The following SMARCD3 variants were observed in gnomAD, a reference collection of about 807,000 sequenced individuals.
SMARCD3 encodes SWI/SNF related BAF chromatin remodeling complex subunit D3.
SMARCD3 carries 14 observed loss-of-function variants against 58.0 expected under a neutral mutation model. The ratio of observed to expected loss-of-function variants is 0.24; its 90% CI spans 0.16 to 0.38. The LOEUF is 0.38. Ranked by LOEUF, SMARCD3 falls within the 10% of genes least tolerant of loss-of-function variation. The pLI is 1.00. For missense variants in SMARCD3, 408 were observed against 636.9 expected (o/e 0.64, Z 3.87); for synonymous variants, 253 against 253.8 (o/e 1.00, Z 0.03).
Position 151,242,924 on chromosome 7 carries a change from T to C in SMARCD3, c.334-81A>G. ...GGAATGTATGCATGTTGTGCAATCC[T>C]AGGGTACAAAAGATGTCAGGGGAGC... On this transcript the variant is annotated intron_variant, in intron 3 of 12. Coordinates refer to ENST00000262188, the MANE Select transcript of SMARCD3 (RefSeq NM_001003801.2). The surrounding 1 kb of genome is among the most constrained non-coding windows in gnomAD (Gnocchi z 4.7). The C allele has an allele frequency of 6.5e-7, 1 of 1,543,408 alleles. No individual in the cohort carries two copies. The highest frequency in any genetic ancestry group is 8.8e-7 in the Non-Finnish European group (1 of 1,138,240).
At position 151,239,407 on chromosome 7, in the gene SMARCD3, A is replaced by C; in HGVS notation, c.1387T>G (p.Phe463Val). Residue 463 changes from phenylalanine to valine, a missense_variant, in exon 12 of 13, where the codon TTC becomes GTC. By Grantham distance (50) the Phe-to-Val change is conservative. Coordinates refer to ENST00000262188, the MANE Select transcript of SMARCD3 (RefSeq NM_001003801.2). This position sits in a 1 kb window ranked among gnomAD's most constrained non-coding sequence, Gnocchi z 7.0. ...GGGTCCCTGCATACCTTGCAGTAGA[A>C]GTAGCGACTGACGGCCTCCTGGGAC... ...PWSQEAVSRY[F>V]YCKIQQRRQE... 6.2e-7 allele frequency: 1 copy of C among 1,613,096 alleles called. No individual in the cohort carries two copies. Among genetic ancestry groups the C allele is most frequent in the Middle Eastern group, 1.7e-4 (1 of 6,060 alleles).
intron 9 of SMARCD3, 34 bp downstream of exon 9, chr7:151,240,391 C>A: frequency 1.3e-6 from 2 of 1,595,268 alleles, no homozygotes; most frequent in South Asian, 1.1e-5. Flanking sequence ...CGAGATCATT[C>A]CCTGGTCTGA....
At chr7:151,255,073 G>A (rs919578387) in intron 2 of SMARCD3, among the ~76,000 whole-genome samples, 20 of 152,044 alleles carry the variant, frequency 1.3e-4, no homozygotes, top group African/African-American at 4.8e-4. Context: ...GGGGCCAGGG[G>A]AGCCCTCGAC....
rs1488485393 is a variant in SMARCD3, at chr7:151,243,527, C to T, written c.333+132G>A. 1.5e-6 allele frequency: 1 copy of T among 678,652 alleles called. No homozygotes were observed. The highest frequency in any genetic ancestry group is 2.7e-6 in the Non-Finnish European group (1 of 374,610). The allele number at this position is 678,652 out of a possible 1,614,324, so 42.0% of individuals were successfully genotyped here. On this transcript the variant is annotated intron_variant, in intron 3 of 12. Transcript: ENST00000262188. The surrounding 1 kb of genome is among the most constrained non-coding windows in gnomAD (Gnocchi z 4.4). ...CCTCCCTCTGGCCTGCGGAGCCTCA[C>T]TTATTAATGAGCTTTTTTAAACAAA... is the stretch of plus-strand genomic sequence containing the variant.
At chr7:151,252,264 A>G (rs938007032), upstream of SMARCD3, among the ~76,000 whole-genome samples, 2 of 152,124 alleles carry the variant, frequency 1.3e-5, no homozygotes, top group African/African-American at 4.8e-5. Context: ...GCGAGGGGAT[A>G]GGGAGGAAGG....
At position 151,241,838 on chromosome 7, in the gene SMARCD3, C is replaced by T; in HGVS notation, c.777+39G>A. 1 of 1,554,362 alleles carries T rather than the reference C, an allele frequency of 6.4e-7. No individual in the cohort carries two copies. The highest frequency in any genetic ancestry group is 8.8e-7 in the Non-Finnish European group (1 of 1,134,948). On this transcript the variant is annotated intron_variant, in intron 7 of 12. Transcript: ENST00000262188. The surrounding 1 kb of genome is among the most constrained non-coding windows in gnomAD (Gnocchi z 5.3). Reference sequence around the variant, plus strand: ...TGGGACCTAGCCCTGCCCTGAGGGCCTTGTGTGGCGTGTACGGGGCAGCAT... The same window carrying T: ...TGGGACCTAGCCCTGCCCTGAGGGCTTTGTGTGGCGTGTACGGGGCAGCAT...
chr7:151,248,701 G>A, upstream of SMARCD3: 1 of 1,379,058 alleles, frequency 7.3e-7, no homozygotes, highest in South Asian at 1.7e-5. This position sits in a 1 kb window ranked among gnomAD's most constrained non-coding sequence, Gnocchi z 6.1. Flanking sequence ...GAGTGGGGAG[G>A]GGGCCCCTTC....
At position 151,240,662 on chromosome 7, in the gene SMARCD3, G is replaced by A. The variant is rs181418675; in HGVS notation, c.940-140C>T. On this transcript the variant is annotated intron_variant, in intron 8 of 12. Coordinates refer to ENST00000262188, the MANE Select transcript of SMARCD3 (RefSeq NM_001003801.2). ...TCAGTGCGCATGGGGATGGGATTGG[G>A]GTGGGCTGGTCTGGTGGTGGAGCCA... 1.5e-4 allele frequency: 99 copies of A among 662,822 alleles called. No homozygotes were observed. The Middle Eastern group carries it at 1.9e-3, about 12-fold the overall frequency. 41.1% of individuals were successfully genotyped at this position (662,822 alleles called of 1,614,324 possible).
chr7:151,269,666 C>A (rs932789733), intron 2 of SMARCD3, among the ~76,000 whole-genome samples: 21 of 152,088 alleles, frequency 1.4e-4, no homozygotes, highest in African/African-American at 4.1e-4. Context: ...CTGGGACCTG[C>A]AACCAAGGGA....
At chr7:151,264,030 G>A (rs557504728) in intron 2 of SMARCD3, among the ~76,000 whole-genome samples, 1 of 151,514 alleles carries the variant, frequency 6.6e-6, no homozygotes, top group South Asian at 2.1e-4. Flanking sequence ...CAGCCACTGG[G>A]TCTGAAGGTC....
At chr7:151,266,799 C>T (rs1252291627) in intron 2 of SMARCD3, among the ~76,000 whole-genome samples, 2 of 152,142 alleles carry the variant, frequency 1.3e-5, no homozygotes, top group Non-Finnish European at 2.9e-5. Context: ...ACAGCATGGA[C>T]CTCCTGGGCT....
At chr7:151,256,638 T>C (rs1249752229) in intron 2 of SMARCD3, among the ~76,000 whole-genome samples, 1 of 152,138 alleles carries the variant, frequency 6.6e-6, no homozygotes, top group African/African-American at 2.4e-5. Flanking sequence ...GGCAGGCCAC[T>C]CTTCTCACAG....
chr7:151,247,600 T>C (rs1803329547), intron 1 of SMARCD3, among the ~76,000 whole-genome samples: 1 of 152,098 alleles, frequency 6.6e-6, no homozygotes, highest in Admixed American at 6.5e-5. Context: ...CAACCAAATT[T>C]GGCCATAGTA....
At chr7:151,269,237 G>A (rs1022199143) in intron 2 of SMARCD3, among the ~76,000 whole-genome samples, 14 of 152,332 alleles carry the variant, frequency 9.2e-5, no homozygotes, top group African/African-American at 3.4e-4. Context: ...GCTGGGCAGA[G>A]TGGAGTGGGT....
At chr7:151,271,202 C>T (rs1471420272) in intron 2 of SMARCD3, among the ~76,000 whole-genome samples, 1 of 152,176 alleles carries the variant, frequency 6.6e-6, no homozygotes, top group Non-Finnish European at 1.5e-5. Flanking sequence ...GCACCAGCCG[C>T]ACAATCCCTT....
intron 2 of SMARCD3, among the ~76,000 whole-genome samples, chr7:151,244,395 C>CT (rs1156732429): frequency 1.3e-5 from 2 of 152,164 alleles, no homozygotes; most frequent in African/African-American, 4.8e-5. Flanking sequence ...TTCTGACCCA[C>CT]TAGCTGCTTC....
At chr7:151,272,037 GC>G (rs1327759593) in intron 2 of SMARCD3, among the ~76,000 whole-genome samples, 1 of 152,190 alleles carries the variant, frequency 6.6e-6, no homozygotes, top group East Asian at 1.9e-4. Context: ...TTTGGGTTAA[GC>G]AATATTACCA....
intron 2 of SMARCD3, among the ~76,000 whole-genome samples, chr7:151,259,626 T>TTTTTTA (rs1803850533): frequency 4.2e-5 from 6 of 144,418 alleles, no homozygotes; most frequent in Non-Finnish European, 9.0e-5. Context: ...TTTTTTTTTT[T>TTTTTTA]GAGACGGACT....
chr7:151,252,656 G>A (rs1404419000), upstream of SMARCD3, among the ~76,000 whole-genome samples: 1 of 152,046 alleles, frequency 6.6e-6, no homozygotes. Context: ...TTGGGGTCAC[G>A]CCCAGCTCCA....
Sources: allele counts gnomAD v4.1 joint callset (sites outside exome capture counted in the v4.1 genomes callset), GRCh38; gene constraint gnomAD v4.1.1; non-coding constraint Gnocchi (gnomAD v3.1); transcripts MANE v1.5; gene names NCBI Gene and HGNC (gene_info 2026-07-23, HGNC 2026-07-21).